TEC: variants seen among roughly 807,000 people sequenced by gnomAD.
The protein encoded by TEC is tyrosine-protein kinase Tec.
In TEC, 72 loss-of-function variants were observed where a neutral mutation model predicts 93.0. That is an observed-to-expected ratio of 0.77 (90% CI 0.64 to 0.94). The LOEUF is 0.94. Among genes scored for constraint, TEC ranks in the 40% least tolerant of loss-of-function variants. The pLI, the probability that TEC is intolerant of heterozygous loss-of-function variation, is 0.00. For synonymous variants in TEC, 249 were observed against 247.7 expected (o/e 1.01, Z -0.05); for missense variants, 630 against 757.9 (o/e 0.83, Z 1.98).
intron 3 of TEC, among the ~76,000 whole-genome samples, chr4:48,174,519 C>A (rs1721243500): frequency 6.6e-6 from 1 of 152,044 alleles, no homozygotes; most frequent in South Asian, 2.1e-4. Flanking sequence ...ATTAGCCAGG[C>A]ATGGTGGTAT....
chr4:48,268,210 T>C (rs1346119826), intron 1 of TEC, among the ~76,000 whole-genome samples: 4 of 152,260 alleles, frequency 2.6e-5, no homozygotes, highest in Non-Finnish European at 4.4e-5. Context: ...CATACATTAA[T>C]ATTCTATATC....
At chr4:48,149,786 T>C in intron 10 of TEC, 96 bp from the exon 11 acceptor site, 2 of 1,249,448 alleles carry the variant, frequency 1.6e-6, no homozygotes, top group Non-Finnish European at 2.2e-6. Flanking sequence ...TGTCTCTCCA[T>C]ATGATCCCAT....
chr4:48,171,269 T>C (rs1197337515), intron 4 of TEC, 99 bp downstream of exon 4: 2 of 920,618 alleles, frequency 2.2e-6, no homozygotes, highest in Non-Finnish European at 3.2e-6. Flanking sequence ...ATTAAGAGAT[T>C]ACAAATGCAA....
chr4:48,173,977 A>G (rs927785461), intron 3 of TEC, among the ~76,000 whole-genome samples: 1 of 152,186 alleles, frequency 6.6e-6, no homozygotes, highest in Non-Finnish European at 1.5e-5. Context: ...TTCACTTTGC[A>G]TCTGAACCTA....
intron 2 of TEC, among the ~76,000 whole-genome samples, chr4:48,182,571 C>T (rs1374983821): frequency 1.1e-5 from 1 of 91,896 alleles, no homozygotes; most frequent in African/African-American, 3.9e-5. Context: ...GTGTGTGTGT[C>T]CTCTCTTGCA....
At chr4:48,178,379 C>A (rs1389941687) in intron 2 of TEC, among the ~76,000 whole-genome samples, 2 of 152,082 alleles carry the variant, frequency 1.3e-5, no homozygotes, top group African/African-American at 4.8e-5. Flanking sequence ...TTTCTTTTAC[C>A]CTGTCTCTAA....
chr4:48,175,759 T>C (rs7654466), intron 3 of TEC, among the ~76,000 whole-genome samples: 47,150 of 152,002 alleles, frequency 0.31, 7,984 homozygotes, highest in Non-Finnish European at 0.38. Flanking sequence ...CGAAGAAGCA[T>C]AGTTTAATTA....
chr4:48,176,285 A>C, intron 2 of TEC, 99 bp from the exon 3 acceptor site: 1 of 796,010 alleles, frequency 1.3e-6, no homozygotes, highest in Middle Eastern at 2.7e-4. Context: ...AAAATATTGC[A>C]ATTTCTTTAA....
Position 48,161,584 on chromosome 4 carries a change from AC to A in TEC, c.737+2117del, listed in dbSNP as rs143654660. 7.7e-3 allele frequency among the ~76,000 whole-genome samples: 1,069 copies of A among 139,410 alleles called. 15 individuals carry two copies. Among genetic ancestry groups the A allele is most frequent in the African/African-American group, 0.027 (1,006 of 37,412 alleles). 91.5% of individuals were successfully genotyped at this position (139,410 alleles called of 152,430 possible). A position where few individuals can be genotyped will look rare whatever the true frequency, so the allele number is the denominator to read the frequency against. On this transcript the variant is annotated intron_variant, in intron 8 of 17. Coordinates refer to ENST00000381501, the MANE Select transcript of TEC (RefSeq NM_003215.3). ...CCAAGCAAAGAGAACTATTCACTCC[AC>A]AGCTGCCAGAGGCTTTTTTTTTTTT...
intron 1 of TEC, among the ~76,000 whole-genome samples, chr4:48,251,849 T>C (rs745653293): frequency 6.6e-6 from 1 of 152,180 alleles, no homozygotes; most frequent in African/African-American, 2.4e-5. Flanking sequence ...AAGCTCATAA[T>C]AAGACTATGG....
At chr4:48,188,701 A>G (rs748317807) in intron 2 of TEC, among the ~76,000 whole-genome samples, 1 of 152,180 alleles carries the variant, frequency 6.6e-6, no homozygotes, top group Non-Finnish European at 1.5e-5. Flanking sequence ...TTTCATTTAT[A>G]TTTGGGAGTG....
At chr4:48,145,964 G>C (rs1476698735) in intron 12 of TEC, among the ~76,000 whole-genome samples, 1 of 151,928 alleles carries the variant, frequency 6.6e-6, no homozygotes, top group Non-Finnish European at 1.5e-5. Context: ...CTGTTTTAAA[G>C]GCTTTTGCCA....
chr4:48,265,464 C>CATAGATAT (rs201611439), intron 1 of TEC, among the ~76,000 whole-genome samples: 1 of 142,306 alleles, frequency 7.0e-6, no homozygotes, highest in Non-Finnish European at 1.5e-5. Context: ...TACATATATA[C>CATAGATAT]ACACACATAT....
intron 2 of TEC, among the ~76,000 whole-genome samples, chr4:48,226,198 T>G (rs952560043): frequency 1.3e-5 from 2 of 149,338 alleles, no homozygotes; most frequent in African/African-American, 5.0e-5. Context: ...CTGCCCATAC[T>G]GCGAACCAAA....
intron 9 of TEC, 66 bp downstream of exon 9, chr4:48,156,614 C>T: frequency 7.2e-7 from 1 of 1,382,058 alleles, no homozygotes; most frequent in Middle Eastern, 1.8e-4. Context: ...ATATGTGGAA[C>T]TACTTATTAT....
intron 2 of TEC, among the ~76,000 whole-genome samples, chr4:48,216,024 A>C (rs772674710): frequency 6.6e-6 from 1 of 152,162 alleles, no homozygotes; most frequent in Non-Finnish European, 1.5e-5. Context: ...CTTATTACTA[A>C]CAAATCAACT....
chr4:48,218,323 T>A (rs1277137345), intron 2 of TEC, among the ~76,000 whole-genome samples: 1 of 152,084 alleles, frequency 6.6e-6, no homozygotes, highest in Non-Finnish European at 1.5e-5. Context: ...CATGTCACTT[T>A]TGTTGTTGTT....
At chr4:48,259,798 A>G (rs1303041751) in intron 1 of TEC, among the ~76,000 whole-genome samples, 1 of 152,120 alleles carries the variant, frequency 6.6e-6, no homozygotes, top group Non-Finnish European at 1.5e-5. Context: ...AAGAAACTAC[A>G]TTAATGCAAA....
chr4:48,212,317 G>A (rs1266483451), intron 2 of TEC, among the ~76,000 whole-genome samples: 2 of 152,018 alleles, frequency 1.3e-5, no homozygotes, highest in Non-Finnish European at 2.9e-5. Context: ...TACAGCCAAA[G>A]AAGGGAAGGA....
Sources: gnomAD v4.1 joint callset for allele counts (sites outside exome capture counted in the v4.1 genomes callset) on GRCh38, gnomAD v4.1.1 for gene constraint, MANE v1.5 for transcripts, NCBI Gene and HGNC (gene_info 2026-07-23, HGNC 2026-07-21) for gene names.